The following KCNQ3 variants were observed in gnomAD, a reference collection of about 807,000 sequenced individuals.
KCNQ3 encodes the protein potassium voltage-gated channel subfamily KQT member 3.
Under a neutral mutation model 92.5 loss-of-function variants are expected in KCNQ3, and 30 were observed. The observed-to-expected ratio is 0.32, with a 90% CI of 0.24 to 0.44. The LOEUF (loss-of-function observed/expected upper bound fraction) is 0.44, where lower values mean the gene tolerates loss of function less well. Ranked by LOEUF, KCNQ3 falls within the 20% of genes least tolerant of loss-of-function variation. The pLI is 1.00. For missense variants in KCNQ3, 913 were observed against 1,140.3 expected (o/e 0.80, Z 2.87); for synonymous variants, 450 against 468.8 (o/e 0.96, Z 0.52).
chr8:132,395,009 G>C (rs1366518757), intron 1 of KCNQ3, among the ~76,000 whole-genome samples: 1 of 152,212 alleles, frequency 6.6e-6, no homozygotes, highest in Non-Finnish European at 1.5e-5. Context: ...CCATCAGTCA[G>C]CGCAAGCCTC....
At chr8:132,431,342 T>C (rs1488992309) in intron 1 of KCNQ3, among the ~76,000 whole-genome samples, 2 of 151,900 alleles carry the variant, frequency 1.3e-5, no homozygotes, top group Non-Finnish European at 2.9e-5. Context: ...ATGGTAAGAG[T>C]GAGTCTTTCA....
chr8:132,152,372 T>G (rs1385581067), intron 9 of KCNQ3, among the ~76,000 whole-genome samples: 2 of 152,208 alleles, frequency 1.3e-5, no homozygotes, highest in East Asian at 3.8e-4. Context: ...CTTTAACAAC[T>G]GAGTAAGGTA....
chr8:132,460,248 C>T (rs914807194), intron 1 of KCNQ3, among the ~76,000 whole-genome samples: 1 of 152,136 alleles, frequency 6.6e-6, no homozygotes, highest in African/African-American at 2.4e-5. Context: ...ACTTTCTAGG[C>T]TCAATGAGCT....
At chr8:132,391,764 C>T (rs6471065) in intron 1 of KCNQ3, among the ~76,000 whole-genome samples, 24,472 of 152,132 alleles carry the variant, frequency 0.16, 2,157 homozygotes, top group Non-Finnish European at 0.2. Context: ...TATTCTCAAC[C>T]AAATGCCAGC....
In KCNQ3 at chr8:132,134,405, G is replaced by A. The variant is rs375928058; in HGVS notation, c.1701-17C>T. 930 of 1,530,904 alleles carry A rather than the reference G, an allele frequency of 6.1e-4. 6 individuals carry two copies. Among genetic ancestry groups the A allele is most frequent in the South Asian group, 2.9e-3 (258 of 89,362 alleles). 94.8% of individuals were successfully genotyped at this position (1,530,904 alleles called of 1,614,324 possible). A position where few individuals can be genotyped will look rare whatever the true frequency, so the allele number is the denominator to read the frequency against. On this transcript the variant is annotated splice_polypyrimidine_tract_variant and intron_variant, in intron 12 of 14. Coordinates refer to ENST00000388996, the MANE Select transcript of KCNQ3 (RefSeq NM_004519.4). ...ATATCTATTCTGAAAGAAACAAACA[G>A]AGCAGGGATTAAATTACACAGAGCT... is the stretch of plus-strand genomic sequence containing the variant.
chr8:132,480,065 C>A, intron 1 of KCNQ3, 82 bp downstream of exon 1: 1 of 1,395,252 alleles, frequency 7.2e-7, no homozygotes, highest in South Asian at 1.2e-5. Context: ...CTTAAAGCCC[C>A]AGAGACTTCT....
Position 132,365,011 on chromosome 8 carries a change from G to A in KCNQ3, c.386+115136C>T, listed in dbSNP as rs1026037920. On this transcript the variant is annotated intron_variant, in intron 1 of 14. Coordinates refer to ENST00000388996, the MANE Select transcript of KCNQ3 (RefSeq NM_004519.4). Reference sequence around the variant, plus strand: ...GTCTCCTATTGTCCACCTTCATCTGGTGACAGAGAATAGCAACAGGAAAGT... The same window carrying A: ...GTCTCCTATTGTCCACCTTCATCTGATGACAGAGAATAGCAACAGGAAAGT... Among the ~76,000 whole-genome samples the A allele has an allele frequency of 8.5e-5, 13 of 152,200 alleles. 1 individual carries two copies. The highest frequency in any genetic ancestry group is 2.9e-4 in the African/African-American group (12 of 41,532).
intron 3 of KCNQ3, among the ~76,000 whole-genome samples, chr8:132,182,829 CGAA>C (rs1294221203): frequency 6.6e-6 from 1 of 151,080 alleles, no homozygotes; most frequent in East Asian, 2.0e-4. Flanking sequence ...AGAGGGCAAA[CGAA>C]GAGAGAAGAA....
At chr8:132,307,149 C>G (rs944810356) in intron 1 of KCNQ3, among the ~76,000 whole-genome samples, 11 of 152,180 alleles carry the variant, frequency 7.2e-5, no homozygotes, top group African/African-American at 2.7e-4. Flanking sequence ...GTTTGTGGTA[C>G]CTTGGGAGCA....
intron 1 of KCNQ3, among the ~76,000 whole-genome samples, chr8:132,308,124 C>A (rs1817485767): frequency 6.6e-6 from 1 of 152,158 alleles, no homozygotes; most frequent in African/African-American, 2.4e-5. Context: ...TATCTCCTAT[C>A]TCACGGGGCT....
chr8:132,129,080 T>C lies in KCNQ3; in HGVS notation c.*182A>G. 1.6e-6 allele frequency: 1 copy of C among 644,850 alleles called. No individual in the cohort carries two copies. Among genetic ancestry groups the C allele is most frequent in the Middle Eastern group, 4.2e-4 (1 of 2,368 alleles). 39.9% of individuals were successfully genotyped at this position (644,850 alleles called of 1,614,324 possible). ...GCAAACCATGCTGAAAAGGAAGCAC[T>C]TTGTTGTGGTGACATGGGGAGGAAG... On this transcript the variant is annotated 3_prime_UTR_variant, in exon 15 of 15. Coordinates refer to ENST00000388996, the MANE Select transcript of KCNQ3 (RefSeq NM_004519.4). The surrounding 1 kb of genome is among the most constrained non-coding windows in gnomAD (Gnocchi z 5.9).
intron 1 of KCNQ3, among the ~76,000 whole-genome samples, chr8:132,445,671 C>G: frequency 7.4e-6 from 1 of 134,758 alleles, no homozygotes; most frequent in Non-Finnish European, 1.6e-5. Context: ...CACCCACCCA[C>G]CCCAAAAAAA....
chr8:132,195,249 TAAA>T (rs1032828730), intron 1 of KCNQ3, among the ~76,000 whole-genome samples: 4 of 152,196 alleles, frequency 2.6e-5, no homozygotes, highest in African/African-American at 9.6e-5. Flanking sequence ...ATAAAACACA[TAAA>T]AAAGTACAAG....
intron 1 of KCNQ3, among the ~76,000 whole-genome samples, chr8:132,240,182 CTTT>C (rs11342824): frequency 1.8e-4 from 20 of 111,906 alleles, no homozygotes; most frequent in African/African-American, 5.8e-4. Flanking sequence ...TGCCATGATT[CTTT>C]TTTTTTTTTT....
chr8:132,397,823 G>C (rs901220746), intron 1 of KCNQ3, among the ~76,000 whole-genome samples: 16 of 152,150 alleles, frequency 1.1e-4, no homozygotes, highest in Admixed American at 6.5e-4. Context: ...CTCACTTCAA[G>C]TTCAGGAATT....
At chr8:132,135,489 T>C (rs1825052654) in intron 12 of KCNQ3, among the ~76,000 whole-genome samples, 1 of 152,072 alleles carries the variant, frequency 6.6e-6, no homozygotes, top group African/African-American at 2.4e-5. Context: ...GGCACTTTCT[T>C]TCTCTCTTGC....
At chr8:132,403,016 C>CAAAAACAAAAAAA (rs1554651755) in intron 1 of KCNQ3, among the ~76,000 whole-genome samples, 1 of 67,632 alleles carries the variant, frequency 1.5e-5, no homozygotes, top group African/African-American at 8.6e-5. Context: ...GGCACCATCA[C>CAAAAACAAAAAAA]AAAAAAAAAA....
At chr8:132,157,845 C>A (rs1156783486) in intron 9 of KCNQ3, among the ~76,000 whole-genome samples, 3 of 152,040 alleles carry the variant, frequency 2.0e-5, no homozygotes, top group African/African-American at 7.2e-5. Flanking sequence ...CATCCACCGA[C>A]AGGCCCCGGT....
intron 1 of KCNQ3, among the ~76,000 whole-genome samples, chr8:132,475,919 G>C (rs539679220): frequency 6.6e-6 from 1 of 152,318 alleles, no homozygotes; most frequent in Admixed American, 6.5e-5. Flanking sequence ...AGAGGCCTAG[G>C]GGGGAAAAAT....
Sources: gnomAD v4.1 joint callset for allele counts (sites outside exome capture counted in the v4.1 genomes callset) on GRCh38, gnomAD v4.1.1 for gene constraint, Gnocchi (gnomAD v3.1) non-coding constraint, MANE v1.5 for transcripts, NCBI Gene and HGNC (gene_info 2026-07-23, HGNC 2026-07-21) for gene names.